Variants in LRP1B observed in about 807,000 individuals in gnomAD.
LRP1B encodes LDL receptor related protein 1B, also known as low-density lipoprotein receptor-related protein 1B.
LRP1B carries 217 observed loss-of-function variants against 556.6 expected under a neutral mutation model. That is an observed-to-expected ratio of 0.39 (90% CI 0.35 to 0.44). The LOEUF (loss-of-function observed/expected upper bound fraction) is 0.44. Ranked by LOEUF, LRP1B falls within the 20% of genes least tolerant of loss-of-function variation. The pLI, the probability that LRP1B is intolerant of heterozygous loss-of-function variation, is 1.00. For synonymous variants in LRP1B, 2,047 were observed against 1,865.8 expected (o/e 1.10, Z -2.50); for missense variants, 5,053 against 5,620.8 (o/e 0.90, Z 3.23).
intron 2 of LRP1B, among the ~76,000 whole-genome samples, chr2:141,568,828 A>T (rs1197374255): frequency 2.6e-5 from 4 of 151,204 alleles, no homozygotes; most frequent in African/African-American, 9.7e-5. Context: ...ATCTCAGCTC[A>T]CTGCAACCTC....
At chr2:140,853,284 G>A (rs1041132244) in intron 27 of LRP1B, among the ~76,000 whole-genome samples, 1 of 152,010 alleles carries the variant, frequency 6.6e-6, no homozygotes, top group South Asian at 2.1e-4. Context: ...TGAACAACAG[G>A]CCTTGCTAAG....
intron 31 of LRP1B, among the ~76,000 whole-genome samples, chr2:140,838,480 A>G (rs1008400246): frequency 6.6e-6 from 1 of 152,280 alleles, no homozygotes; most frequent in African/African-American, 2.4e-5. Flanking sequence ...ATTTTATATG[A>G]GAGGTTTATT....
chr2:141,260,515 T>G (rs1684645032), intron 3 of LRP1B, among the ~76,000 whole-genome samples: 1 of 151,958 alleles, frequency 6.6e-6, no homozygotes, highest in Non-Finnish European at 1.5e-5. Flanking sequence ...TTCCAAACAT[T>G]ACGAGTTATT....
intron 8 of LRP1B, among the ~76,000 whole-genome samples, chr2:141,059,501 A>T (rs1019996037): frequency 6.6e-6 from 1 of 151,778 alleles, no homozygotes; most frequent in Non-Finnish European, 1.5e-5. Flanking sequence ...ACCTCCGAAG[A>T]TTTGTTTTAT....
At chr2:141,254,270 T>A (rs566505091) in intron 4 of LRP1B, among the ~76,000 whole-genome samples, 16 of 152,240 alleles carry the variant, frequency 1.1e-4, no homozygotes, top group Non-Finnish European at 2.9e-5. Flanking sequence ...AATGTGTTAG[T>A]GGTTAACCCA....
intron 2 of LRP1B, among the ~76,000 whole-genome samples, chr2:141,758,139 A>T (rs762869195): frequency 6.6e-5 from 10 of 152,160 alleles, no homozygotes; most frequent in Non-Finnish European, 1.3e-4. Flanking sequence ...TTGCTTGGGA[A>T]TTCCATACAC....
Position 140,438,524 on chromosome 2 carries a change from C to T in LRP1B, c.10414+3980G>A, listed in dbSNP as rs185322865. Among the ~76,000 whole-genome samples the T allele has an allele frequency of 1.1e-3, 166 of 152,172 alleles. 1 individual carries two copies. The highest frequency in any genetic ancestry group is 3.8e-3 in the African/African-American group (159 of 41,532). ...AGCTTGAGTAGTCTGTTTCAAATTT[C>T]CTGATCACATATTTAAAGGAAAATA... On this transcript the variant is annotated intron_variant, in intron 66 of 90. Transcript: ENST00000389484.
intron 2 of LRP1B, among the ~76,000 whole-genome samples, chr2:141,616,792 C>T (rs1180005131): frequency 1.3e-5 from 2 of 152,170 alleles, no homozygotes; most frequent in East Asian, 3.8e-4. Context: ...TAATCACTTT[C>T]TATATCTCTG....
chr2:140,627,362 G>A (rs918208426), intron 41 of LRP1B, among the ~76,000 whole-genome samples: 15 of 152,124 alleles, frequency 9.9e-5, no homozygotes, highest in Admixed American at 6.5e-5. Flanking sequence ...GCAGAGGAAC[G>A]CAGAAGGACT....
chr2:141,451,284 A>G (rs376589661), intron 3 of LRP1B, among the ~76,000 whole-genome samples: 100 of 152,326 alleles, frequency 6.6e-4, no homozygotes, highest in African/African-American at 1.9e-3. Context: ...AATAATTTGT[A>G]TCCATCCAAT....
At chr2:141,048,370 A>T (rs557863638) in intron 11 of LRP1B, among the ~76,000 whole-genome samples, 2 of 152,224 alleles carry the variant, frequency 1.3e-5, no homozygotes, top group Admixed American at 1.3e-4. Context: ...TAAGCCAAAT[A>T]ATTTATAATA....
intron 43 of LRP1B, among the ~76,000 whole-genome samples, chr2:140,575,229 AT>A (rs1681473568): frequency 6.6e-6 from 1 of 152,170 alleles, no homozygotes; most frequent in Admixed American, 6.5e-5. Context: ...CTATGATCAA[AT>A]TACAACTCTA....
chr2:140,410,318 C>T (rs1684918401), intron 66 of LRP1B, among the ~76,000 whole-genome samples: 2 of 151,952 alleles, frequency 1.3e-5, no homozygotes, highest in African/African-American at 4.8e-5. Flanking sequence ...CTTATCATTT[C>T]CTCATTGGCT....
intron 31 of LRP1B, among the ~76,000 whole-genome samples, chr2:140,830,730 T>C (rs887235935): frequency 3.3e-4 from 50 of 152,080 alleles, no homozygotes; most frequent in African/African-American, 1.1e-3. Context: ...ATTTTCAACA[T>C]AGTACTGGAC....
At chr2:140,372,911 G>A (rs2105170509) in intron 69 of LRP1B, 97 bp downstream of exon 69, 1 of 1,246,896 alleles carries the variant, frequency 8.0e-7, no homozygotes, top group Admixed American at 1.9e-5. Context: ...GTAAACATAT[G>A]ACATATTTGC....
intron 1 of LRP1B, among the ~76,000 whole-genome samples, chr2:141,853,212 A>G (rs943687378): frequency 4.0e-5 from 6 of 151,564 alleles, no homozygotes; most frequent in African/African-American, 1.5e-4. Flanking sequence ...AAGGACTGTG[A>G]ATGTTAAGGG....
At chr2:141,881,292 A>G (rs1451171828) in intron 1 of LRP1B, among the ~76,000 whole-genome samples, 2 of 152,158 alleles carry the variant, frequency 1.3e-5, no homozygotes, top group Non-Finnish European at 2.9e-5. Flanking sequence ...TGTATTATTT[A>G]AAGTTTCAAA....
intron 32 of LRP1B, 84 bp from the exon 33 acceptor site, chr2:140,776,322 T>C (rs2104951489): frequency 1.2e-6 from 1 of 861,246 alleles, no homozygotes. Context: ...TATAATACTC[T>C]CTGATTTCTT....
rs373708732 is a variant in LRP1B at position 140,371,320 on chromosome 2, G to A, written c.10769-35C>T. On this transcript the variant is annotated intron_variant, in intron 69 of 90. Transcript: ENST00000389484. ...ATTATAAATTTGAAATTGAGATAGA[G>A]TAAAAATAACAGGTTTTAGAAATAA... 1.2e-5 allele frequency: 14 copies of A among 1,184,278 alleles called. No homozygotes were observed. In the African/African-American group the frequency reaches 1.7e-4, roughly 15 times the overall value. The allele number at this position is 1,184,278 out of a possible 1,614,324, so 73.4% of individuals were successfully genotyped here. A position where few individuals can be genotyped will look rare whatever the true frequency, so the allele number is the denominator to read the frequency against.
Sources: allele counts gnomAD v4.1 joint callset (sites outside exome capture counted in the v4.1 genomes callset), GRCh38; gene constraint gnomAD v4.1.1; transcripts MANE v1.5; gene names NCBI Gene and HGNC (gene_info 2026-07-23, HGNC 2026-07-21).